P3H2: variants seen among roughly 807,000 people sequenced by gnomAD.
P3H2 encodes leprecan-like 1.
P3H2 carries 80 observed loss-of-function variants against 87.0 expected under a neutral mutation model. That is an observed-to-expected ratio of 0.92 (90% CI 0.77 to 1.11). The LOEUF (loss-of-function observed/expected upper bound fraction) is 1.11. P3H2 is among the 50% of genes least tolerant of loss of function. The pLI, the probability that P3H2 is intolerant of heterozygous loss-of-function variation, is 0.00. For missense variants in P3H2, 1,001 were observed against 923.9 expected, an observed-to-expected ratio of 1.08 and a Z score of -1.08; for synonymous variants, 367 against 359.3, an observed-to-expected ratio of 1.02 and a Z score of -0.24.
At chr3:190,034,097 A>G (rs1419777067) in intron 1 of P3H2, among the ~76,000 whole-genome samples, 1 of 152,248 alleles carries the variant, frequency 6.6e-6, no homozygotes. Context: ...GATTTAATGT[A>G]GTTATTGTGG....
chr3:189,970,318 T>C (rs1412864734), intron 13 of P3H2, among the ~76,000 whole-genome samples: 1 of 145,068 alleles, frequency 6.9e-6, no homozygotes, highest in Non-Finnish European at 1.5e-5. Context: ...ATAATATATA[T>C]ACACACATAC....
rs1723289577 is a variant in P3H2, at chr3:189,974,612, G to T, written c.1398C>A (p.Leu466=). ...GTTCTTCCGACAGGACGTTATCCAG[G>T]AGAACCCGCTGAGTCCCGTTCAGCT... ...SEQLNGTQRV[L]LDNVLSEEQC... Residue 466 remains leucine, a synonymous_variant, in exon 9 of 15, where the codon CTC becomes CTA. Coordinates refer to ENST00000319332, the MANE Select transcript of P3H2 (RefSeq NM_018192.4). 1 of 1,614,012 alleles carries T rather than the reference G, an allele frequency of 6.2e-7. No homozygotes were observed. Among genetic ancestry groups the T allele is most frequent in the Non-Finnish European group, 8.5e-7 (1 of 1,180,040 alleles).
intron 1 of P3H2, among the ~76,000 whole-genome samples, chr3:190,058,872 C>T (rs1282395326): frequency 2.6e-5 from 4 of 152,194 alleles, no homozygotes; most frequent in East Asian, 3.9e-4. Flanking sequence ...AGCGAGAAAA[C>T]AACTGATTTT....
intron 1 of P3H2, among the ~76,000 whole-genome samples, chr3:190,006,484 G>A (rs961716694): frequency 6.6e-6 from 1 of 152,226 alleles, no homozygotes; most frequent in African/African-American, 2.4e-5. Flanking sequence ...ATAGAACTGT[G>A]ATAGATGACA....
chr3:190,041,932 T>C (rs1179454192), intron 1 of P3H2, among the ~76,000 whole-genome samples: 1 of 152,228 alleles, frequency 6.6e-6, no homozygotes, highest in Admixed American at 6.5e-5. Context: ...TTATTTTTCT[T>C]ACCTAGTTTG....
Position 190,036,487 on chromosome 3 carries a change from T to A in P3H2, c.481-41045A>T, listed in dbSNP as rs867712491. The stretch of plus-strand genomic sequence containing the variant: ...CTGGTATATCACTTTATAGTCGACA[T>A]GATAATTTCATTCTTAACGTAATCT... On this transcript the variant is annotated intron_variant, in intron 1 of 14. Transcript: ENST00000319332. 3.5e-4 allele frequency among the ~76,000 whole-genome samples: 5 copies of A among 14,280 alleles called. No individual in the cohort carries two copies. The East Asian group carries it at 0.015, about 43-fold the overall frequency. The allele number at this position is 14,280 out of a possible 152,430, so 9.4% of individuals were successfully genotyped here. A position where few individuals can be genotyped will look rare whatever the true frequency, so the allele number is the denominator to read the frequency against.
At chr3:190,049,140 A>C (rs1414660424) in intron 1 of P3H2, among the ~76,000 whole-genome samples, 1 of 152,170 alleles carries the variant, frequency 6.6e-6, no homozygotes, top group Non-Finnish European at 1.5e-5. Context: ...AGGAAGAAAA[A>C]CTGCATGTTC....
intron 1 of P3H2, among the ~76,000 whole-genome samples, chr3:190,066,484 G>T (rs774421670): frequency 2.6e-5 from 4 of 151,922 alleles, no homozygotes; most frequent in Admixed American, 6.6e-5. Flanking sequence ...AGGGACTCAG[G>T]GGGTAAGGAT....
At chr3:190,020,411 A>T (rs1334435157) in intron 1 of P3H2, among the ~76,000 whole-genome samples, 1 of 134,036 alleles carries the variant, frequency 7.5e-6, no homozygotes, top group Non-Finnish European at 1.7e-5. Context: ...TAATCCAAAC[A>T]TGTTTTTCTT....
intron 1 of P3H2, among the ~76,000 whole-genome samples, chr3:190,038,303 T>A (rs1380737470): frequency 1.3e-5 from 2 of 148,460 alleles, no homozygotes; most frequent in Non-Finnish European, 3.0e-5. Flanking sequence ...TCCTGGAGAC[T>A]ATGAGTGAGT....
intron 11 of P3H2, among the ~76,000 whole-genome samples, chr3:189,972,489 A>C (rs995151531): frequency 6.6e-6 from 1 of 152,182 alleles, no homozygotes; most frequent in African/African-American, 2.4e-5. Context: ...CGGTCTTTTT[A>C]AGAGTATTTC....
At chr3:190,077,900 AC>A (rs139458351) in intron 1 of P3H2, among the ~76,000 whole-genome samples, 17,983 of 152,196 alleles carry the variant, frequency 0.12, 1,275 homozygotes, top group Middle Eastern at 0.22. Flanking sequence ...CCTTCCTGGG[AC>A]CCATAGAGAG....
At chr3:189,985,129 G>T (rs1205097316) in intron 6 of P3H2, among the ~76,000 whole-genome samples, 2 of 151,836 alleles carry the variant, frequency 1.3e-5, no homozygotes, top group African/African-American at 4.8e-5. Flanking sequence ...TAAAAAGTGT[G>T]CCTATAAAAA....
chr3:190,038,387 C>T (rs1666392), intron 1 of P3H2, among the ~76,000 whole-genome samples: 121,978 of 151,470 alleles, frequency 0.81, 49,172 homozygotes, highest in East Asian at 0.86. Flanking sequence ...ATACAGTCTT[C>T]CTCCAAACAC....
rs754328750 is a variant in P3H2 at position 189,994,222 on chromosome 3, T to C, written c.695A>G (p.His232Arg). The C allele has an allele frequency of 1.2e-6, 2 of 1,613,918 alleles. No individual in the cohort carries two copies. Among genetic ancestry groups the C allele is most frequent in the Non-Finnish European group, 1.7e-6 (2 of 1,179,920 alleles). ...ATATTCTCTTAAGGCTTGTTCGAAG[T>C]GCCTGATAGCCATCTCAAAGTCATC... The part of the protein sequence containing the change: ...EADDFEMAIR[H>R]FEQALREYFV... Residue 232 changes from histidine to arginine, a missense_variant, in exon 3 of 15, where the codon CAC (histidine) becomes CGC (arginine). His to Arg is a conservative substitution (Grantham distance 29). Coordinates refer to ENST00000319332, the MANE Select transcript of P3H2 (RefSeq NM_018192.4).
At chr3:190,019,152 A>C (rs968047360) in intron 1 of P3H2, among the ~76,000 whole-genome samples, 6 of 152,164 alleles carry the variant, frequency 3.9e-5, no homozygotes, top group African/African-American at 1.4e-4. Context: ...GCATTTAAGG[A>C]AGGGCTAGTT....
chr3:190,011,385 T>C lies in P3H2; in HGVS notation c.481-15943A>G, dbSNP rs9850745. 7.9e-3 allele frequency among the ~76,000 whole-genome samples: 1,200 copies of C among 152,308 alleles called. 16 individuals carry two copies. The highest frequency in any genetic ancestry group is 0.028 in the African/African-American group (1,168 of 41,542). ...AGAAAAATGATTTTTGTAAGCATTC[T>C]GGAGTGATACATTTGTTTTTATTTA... On this transcript the variant is annotated intron_variant, in intron 1 of 14. Transcript: ENST00000319332.
At chr3:189,966,175 G>C (rs1722999175) in intron 13 of P3H2, among the ~76,000 whole-genome samples, 1 of 141,412 alleles carries the variant, frequency 7.1e-6, no homozygotes, top group African/African-American at 2.5e-5. Flanking sequence ...AAGAAAGAAA[G>C]AAAGAAAGAA....
At chr3:190,028,083 C>T (rs924868747) in intron 1 of P3H2, among the ~76,000 whole-genome samples, 2 of 152,108 alleles carry the variant, frequency 1.3e-5, no homozygotes, top group Admixed American at 6.5e-5. Flanking sequence ...CTATTCCTGT[C>T]AATAAGTTCC....
Sources: gnomAD v4.1 joint callset for allele counts (sites outside exome capture counted in the v4.1 genomes callset) on GRCh38, gnomAD v4.1.1 for gene constraint, MANE v1.5 for transcripts, NCBI Gene and HGNC (gene_info 2026-07-23, HGNC 2026-07-21) for gene names.